NPAS3: variants seen among roughly 807,000 people sequenced by gnomAD.
NPAS3 encodes the protein neuronal PAS domain protein 3.
Under a neutral mutation model 73.1 loss-of-function variants are expected in NPAS3, and 14 were observed. The ratio of observed to expected loss-of-function variants is 0.19; its 90% CI spans 0.13 to 0.30. The LOEUF is 0.30. Among genes scored for constraint, NPAS3 ranks in the 10% least tolerant of loss-of-function variants. The pLI is 1.00. For missense variants in NPAS3, 1,096 were observed against 1,250.0 expected, an observed-to-expected ratio of 0.88 and a Z score of 1.86; for synonymous variants, 620 against 541.5, an observed-to-expected ratio of 1.14 and a Z score of -2.01.
intron 3 of NPAS3, among the ~76,000 whole-genome samples, chr14:33,305,270 A>C (rs1025249488): frequency 6.6e-6 from 1 of 152,100 alleles, no homozygotes; most frequent in Non-Finnish European, 1.5e-5. Flanking sequence ...TTGCTTCTTA[A>C]GTTAGCTATA....
intron 2 of NPAS3, among the ~76,000 whole-genome samples, chr14:33,103,391 G>T (rs868070683): frequency 2.6e-5 from 4 of 152,218 alleles, no homozygotes; most frequent in Middle Eastern, 6.8e-3. Context: ...CAACCTTCAT[G>T]TGCTGTTCTG....
intron 1 of NPAS3, among the ~76,000 whole-genome samples, chr14:33,029,363 A>C (rs1283804822): frequency 1.3e-5 from 2 of 152,184 alleles, no homozygotes; most frequent in African/African-American, 4.8e-5. Context: ...AAAGTAAAAA[A>C]TGAAGGGAGA....
At chr14:33,442,359 G>T (rs76004387) in intron 4 of NPAS3, among the ~76,000 whole-genome samples, 20,987 of 151,806 alleles carry the variant, frequency 0.14, 1,701 homozygotes, top group African/African-American at 0.23. Flanking sequence ...AGGGAGGATT[G>T]CGTGAGCCCA....
In NPAS3 at chr14:33,343,591, G is replaced by A. The variant is rs181534110; in HGVS notation, c.386-23595G>A. On this transcript the variant is annotated intron_variant, in intron 3 of 11. Transcript: ENST00000356141. ...ATATCTCAAACCTGGAATGCTTCTG[G>A]AACATTCTTCGGATTCAGCTCCTTA... Among the ~76,000 whole-genome samples the A allele has an allele frequency of 4.8e-4, 73 of 152,260 alleles. 1 individual carries two copies. Among genetic ancestry groups the A allele is most frequent in the South Asian group, 1.2e-3 (6 of 4,822 alleles).
chr14:33,251,383 C>T (rs2048579072), intron 3 of NPAS3, among the ~76,000 whole-genome samples: 1 of 151,986 alleles, frequency 6.6e-6, no homozygotes, highest in Admixed American at 6.6e-5. Flanking sequence ...CCTCCATATA[C>T]AGAAGTCAAA....
In NPAS3 at chr14:33,156,542, A is replaced by C. The variant is rs116621017; in HGVS notation, c.141-58640A>C. ...TAAATTCCCTTAATTATTTACAAGA[A>C]TATAAATCATTTAACATTTTAAATT... On this transcript the variant is annotated intron_variant, in intron 2 of 11. Coordinates refer to ENST00000356141, the Ensembl canonical transcript of NPAS3. Among the ~76,000 whole-genome samples the C allele has an allele frequency of 2.3e-3, 354 of 152,314 alleles. 2 individuals are homozygous for C. The highest frequency in any genetic ancestry group is 8.2e-3 in the African/African-American group (342 of 41,578).
At chr14:33,286,973 G>T (rs1435115518) in intron 3 of NPAS3, among the ~76,000 whole-genome samples, 1 of 152,062 alleles carries the variant, frequency 6.6e-6, no homozygotes, top group Non-Finnish European at 1.5e-5. Flanking sequence ...GTTATCCCTG[G>T]AGTCATCCAA....
At chr14:33,463,029 A>G (rs2050345038) in intron 4 of NPAS3, among the ~76,000 whole-genome samples, 1 of 152,142 alleles carries the variant, frequency 6.6e-6, no homozygotes, top group Non-Finnish European at 1.5e-5. Flanking sequence ...ATCTTTTTAT[A>G]TTTCTTATTG....
At chr14:33,154,659 A>G (rs1449130655) in intron 2 of NPAS3, among the ~76,000 whole-genome samples, 1 of 152,230 alleles carries the variant, frequency 6.6e-6, no homozygotes, top group Non-Finnish European at 1.5e-5. Context: ...GAAAAAATAC[A>G]TAATATGCAA....
intron 6 of NPAS3, among the ~76,000 whole-genome samples, chr14:33,697,626 T>A (rs2060419531): frequency 6.6e-6 from 1 of 152,198 alleles, no homozygotes; most frequent in South Asian, 2.1e-4. Context: ...TCTTAAATGG[T>A]GATGGGAAAC....
At chr14:33,768,063 T>G (rs1566517980) in intron 7 of NPAS3, among the ~76,000 whole-genome samples, 1 of 152,022 alleles carries the variant, frequency 6.6e-6, no homozygotes, top group African/African-American at 2.4e-5. Context: ...AGAAGAAAAA[T>G]AAAAGTCAAA....
chr14:32,999,233 C>A (rs757355041), intron 1 of NPAS3, among the ~76,000 whole-genome samples: 2 of 152,018 alleles, frequency 1.3e-5, no homozygotes, highest in East Asian at 3.9e-4. Context: ...ATATTCCGGC[C>A]GGGTGCGGTG....
intron 2 of NPAS3, among the ~76,000 whole-genome samples, chr14:33,211,273 C>T (rs1032431533): frequency 1.3e-5 from 2 of 152,202 alleles, no homozygotes; most frequent in Non-Finnish European, 2.9e-5. Context: ...AATCCATTCT[C>T]TTATAAGAAG....
At chr14:33,680,506 ATTTC>A in intron 6 of NPAS3, 1 of 674,844 alleles carries the variant, frequency 1.5e-6, no homozygotes, top group East Asian at 2.7e-5. Context: ...GGTTTTTTGT[ATTTC>A]TTTCTAAAAT....
At chr14:33,078,600 G>A (rs980526641) in intron 2 of NPAS3, among the ~76,000 whole-genome samples, 1 of 151,508 alleles carries the variant, frequency 6.6e-6, no homozygotes, top group African/African-American at 2.4e-5. Context: ...TAGAAAGTCA[G>A]GTATCAGTTA....
At chr14:33,730,280 C>T (rs907651309) in intron 6 of NPAS3, among the ~76,000 whole-genome samples, 16 of 152,142 alleles carry the variant, frequency 1.1e-4, no homozygotes, top group African/African-American at 3.1e-4. Context: ...CTTTGGAGTC[C>T]GACAAACATT....
intron 4 of NPAS3, among the ~76,000 whole-genome samples, chr14:33,538,894 C>T (rs939937142): frequency 6.6e-6 from 1 of 152,170 alleles, no homozygotes; most frequent in African/African-American, 2.4e-5. Flanking sequence ...CTATAATTTA[C>T]AAATCTGTCA....
chr14:33,180,949 A>G (rs2045777272), intron 2 of NPAS3, among the ~76,000 whole-genome samples: 1 of 152,138 alleles, frequency 6.6e-6, no homozygotes, highest in Non-Finnish European at 1.5e-5. Flanking sequence ...CAGCAGGTCC[A>G]TCATAAAGAA....
intron 7 of NPAS3, among the ~76,000 whole-genome samples, chr14:33,754,479 G>C (rs983982312): frequency 2.0e-5 from 3 of 152,164 alleles, no homozygotes; most frequent in Non-Finnish European, 4.4e-5. Flanking sequence ...TTAGGAGCAG[G>C]GGAAGAATAG....
Sources: gnomAD v4.1 joint callset for allele counts (sites outside exome capture counted in the v4.1 genomes callset) on GRCh38, gnomAD v4.1.1 for gene constraint, MANE v1.5 for transcripts, NCBI Gene and HGNC (gene_info 2026-07-23, HGNC 2026-07-21) for gene names.